Variants in FBXW11 observed in about 807,000 individuals in gnomAD.
FBXW11 encodes F-box/WD repeat-containing protein 11.
In FBXW11, 19 loss-of-function variants were observed where a neutral mutation model predicts 77.6. The observed-to-expected ratio is 0.24, with a 90% CI of 0.17 to 0.36. The LOEUF (loss-of-function observed/expected upper bound fraction) is 0.36, where lower values mean the gene tolerates loss of function less well. Among genes scored for constraint, FBXW11 ranks in the 10% least tolerant of loss-of-function variants. The pLI, the probability that FBXW11 is intolerant of heterozygous loss-of-function variation, is 1.00. For missense variants in FBXW11, 334 were observed against 704.2 expected (o/e 0.47, Z 5.95); for synonymous variants, 235 against 249.4 (o/e 0.94, Z 0.54).
intron 1 of FBXW11, among the ~76,000 whole-genome samples, chr5:171,980,287 A>T (rs1170443701): frequency 6.6e-6 from 1 of 152,234 alleles, no homozygotes; most frequent in Non-Finnish European, 1.5e-5. Flanking sequence ...TACTTTTTAC[A>T]GACTTCTAGA....
At chr5:171,878,150 A>G (rs755533455) in intron 7 of FBXW11, 21 bp from the exon 8 acceptor site, 3 of 1,511,652 alleles carry the variant, frequency 2.0e-6, no homozygotes, top group Middle Eastern at 1.7e-4. Flanking sequence ...AAGATTAGCC[A>G]CAAACGATGA....
At chr5:171,919,507 T>C (rs2113977070) in intron 2 of FBXW11, among the ~76,000 whole-genome samples, 1 of 152,348 alleles carries the variant, frequency 6.6e-6, no homozygotes, top group Admixed American at 6.5e-5. Flanking sequence ...ATTCACTGGA[T>C]ATTAAAAACA....
chr5:171,985,365 C>G (rs1765377487), intron 1 of FBXW11, among the ~76,000 whole-genome samples: 1 of 152,148 alleles, frequency 6.6e-6, no homozygotes, highest in Non-Finnish European at 1.5e-5. Context: ...TGGCTCACAC[C>G]TGTAACCCCA....
In FBXW11 at chr5:171,868,808, A is replaced by G. The variant is rs371711963; in HGVS notation, c.1531-12T>C. On this transcript the variant is annotated splice_polypyrimidine_tract_variant and intron_variant, in intron 12 of 13. Coordinates refer to ENST00000517395, the MANE Select transcript of FBXW11 (RefSeq NM_001378974.1). ...CGTCCAGAATGTTCCTATGAAATAC[A>G]AAACTTCATGAATAAAATGAGATCT... 1 of 1,606,904 alleles carries G rather than the reference A, an allele frequency of 6.2e-7. No homozygotes were observed. Among genetic ancestry groups the G allele is most frequent in the African/African-American group, 1.3e-5 (1 of 74,554 alleles).
At chr5:171,918,770 C>G (rs753190556) in intron 2 of FBXW11, among the ~76,000 whole-genome samples, 5 of 152,168 alleles carry the variant, frequency 3.3e-5, no homozygotes, top group Non-Finnish European at 7.3e-5. Context: ...CTGCTGTGTG[C>G]ATTATAGAAG....
At chr5:171,886,555 T>C (rs1198618454) in intron 7 of FBXW11, among the ~76,000 whole-genome samples, 1 of 151,752 alleles carries the variant, frequency 6.6e-6, no homozygotes, top group Non-Finnish European at 1.5e-5. Context: ...ACATGTACCC[T>C]AAAACTTAAA....
chr5:171,961,755 T>C (rs1403462410), intron 1 of FBXW11, among the ~76,000 whole-genome samples: 3 of 152,150 alleles, frequency 2.0e-5, no homozygotes, highest in Non-Finnish European at 4.4e-5. Flanking sequence ...CAAGCAATTC[T>C]CCTGCCTCAG....
chr5:171,905,464 T>C (rs1414112018), intron 4 of FBXW11, among the ~76,000 whole-genome samples: 1 of 152,114 alleles, frequency 6.6e-6, no homozygotes, highest in East Asian at 1.9e-4. Flanking sequence ...TCAAGAAATA[T>C]CAGTCTTTGT....
intron 4 of FBXW11, among the ~76,000 whole-genome samples, chr5:171,910,127 A>T (rs1304944644): frequency 7.3e-6 from 1 of 136,586 alleles, no homozygotes; most frequent in Non-Finnish European, 1.5e-5. Flanking sequence ...GTGCAGTGGT[A>T]TGATCTCGGC....
chr5:171,889,953 A>C (rs1196333401), intron 7 of FBXW11, among the ~76,000 whole-genome samples: 1 of 152,178 alleles, frequency 6.6e-6, no homozygotes, highest in Non-Finnish European at 1.5e-5. Context: ...GGAAAAATAT[A>C]TGCAAAACAT....
At chr5:171,905,998 T>G (rs1466608992) in intron 4 of FBXW11, among the ~76,000 whole-genome samples, 3 of 152,102 alleles carry the variant, frequency 2.0e-5, no homozygotes, top group South Asian at 4.1e-4. Context: ...AGGAACCAGA[T>G]GAAAGTCTGG....
chr5:171,927,400 T>G (rs1761952000), intron 2 of FBXW11, among the ~76,000 whole-genome samples: 2 of 152,188 alleles, frequency 1.3e-5, no homozygotes, highest in Non-Finnish European at 2.9e-5. Context: ...ACACAGAATT[T>G]TTTTTAACTC....
At chr5:171,913,633 T>C (rs533000887) in intron 3 of FBXW11, among the ~76,000 whole-genome samples, 4 of 152,262 alleles carry the variant, frequency 2.6e-5, no homozygotes, top group Admixed American at 2.6e-4. Flanking sequence ...CTAACTAATC[T>C]ATCTTTTCAG....
intron 1 of FBXW11, among the ~76,000 whole-genome samples, chr5:171,986,298 C>T (rs1324096277): frequency 1.3e-5 from 2 of 151,730 alleles, no homozygotes. Flanking sequence ...GTTGCAGCTA[C>T]TCAGAAGGCT....
intron 1 of FBXW11, among the ~76,000 whole-genome samples, chr5:171,981,632 A>G (rs1030138975): frequency 3.3e-5 from 5 of 152,248 alleles, no homozygotes; most frequent in Non-Finnish European, 7.3e-5. Context: ...GGAGTCAGGA[A>G]TGATGTTAGC....
intron 2 of FBXW11, among the ~76,000 whole-genome samples, chr5:171,937,518 G>C (rs530892363): frequency 6.6e-6 from 1 of 152,216 alleles, no homozygotes; most frequent in Non-Finnish European, 1.5e-5. Flanking sequence ...GTGTGGCTGT[G>C]CTCCAATAAA....
rs112750520 is a variant in FBXW11 at position 171,934,532 on chromosome 5, C to T, written c.148-20127G>A. Reference sequence around the variant, plus strand: ...ACTCCACTAAAAATACAAAAATTAGCCAGGTGTGGTGGTGCACACCTGAAG... The same window carrying T: ...ACTCCACTAAAAATACAAAAATTAGTCAGGTGTGGTGGTGCACACCTGAAG... On this transcript the variant is annotated intron_variant, in intron 2 of 13. Coordinates refer to ENST00000517395, the MANE Select transcript of FBXW11 (RefSeq NM_001378974.1). Among the ~76,000 whole-genome samples, 364 of 151,938 alleles carry T rather than the reference C, an allele frequency of 2.4e-3. 1 individual carries two copies. The highest frequency in any genetic ancestry group is 8.3e-3 in the African/African-American group (345 of 41,450).
chr5:171,868,391 T>C (rs540332859), intron 13 of FBXW11, among the ~76,000 whole-genome samples: 1 of 152,306 alleles, frequency 6.6e-6, no homozygotes, highest in South Asian at 2.1e-4. Flanking sequence ...ATGTTCATCA[T>C]CTGCCAAGAT....
intron 2 of FBXW11, among the ~76,000 whole-genome samples, chr5:171,934,872 A>G (rs1403473600): frequency 6.6e-6 from 1 of 152,178 alleles, no homozygotes; most frequent in Non-Finnish European, 1.5e-5. Context: ...AATAACCTTT[A>G]AAACTATAAT....
Sources: gnomAD v4.1 joint callset for allele counts (sites outside exome capture counted in the v4.1 genomes callset) on GRCh38, gnomAD v4.1.1 for gene constraint, MANE v1.5 for transcripts, NCBI Gene and HGNC (gene_info 2026-07-23, HGNC 2026-07-21) for gene names.